Variants in PLEKHS1 observed in about 807,000 individuals in gnomAD.
The protein encoded by PLEKHS1 is pleckstrin homology domain-containing family S member 1.
PLEKHS1 carries 55 observed loss-of-function variants against 51.0 expected under a neutral mutation model. That is an observed-to-expected ratio of 1.08 (90% confidence interval 0.87 to 1.35). PLEKHS1 has a LOEUF of 1.35. Ranked by LOEUF, PLEKHS1 falls within the 40% of genes most tolerant of loss-of-function variation. PLEKHS1 has a pLI of 0.00. For missense variants in PLEKHS1, 398 were observed against 423.0 expected (o/e 0.94, Z 0.52); for synonymous variants, 153 against 144.8 (o/e 1.06, Z -0.41).
chr10:113,768,762 CA>C, intron 5 of PLEKHS1, 52 bp from the exon 6 acceptor site: 2 of 1,399,332 alleles, frequency 1.4e-6, no homozygotes, highest in Non-Finnish European at 2.0e-6. Flanking sequence ...TTCTCTGGTT[CA>C]AAAGGCACTA....
At chr10:113,775,152 G>C in intron 10 of PLEKHS1, 117 bp downstream of exon 10, 1 of 947,152 alleles carries the variant, frequency 1.1e-6, no homozygotes, top group Non-Finnish European at 1.5e-6. Context: ...CTCCAAGTCA[G>C]CCAAAAACTT....
chr10:113,778,493 T>G (rs780232432), intron 11 of PLEKHS1, among the ~76,000 whole-genome samples: 3 of 152,212 alleles, frequency 2.0e-5, no homozygotes, highest in Non-Finnish European at 2.9e-5. Flanking sequence ...TTATCTCTTC[T>G]GCACTACGTA....
At chr10:113,761,160 C>CAA (rs1294461680) in intron 2 of PLEKHS1, among the ~76,000 whole-genome samples, 6 of 152,122 alleles carry the variant, frequency 3.9e-5, no homozygotes, top group Non-Finnish European at 8.8e-5. Context: ...TGTCCTTATA[C>CAA]CAAAACGACA....
intron 2 of PLEKHS1, 103 bp downstream of exon 2, chr10:113,755,408 A>G (rs1854064567): frequency 2.7e-6 from 4 of 1,495,898 alleles, no homozygotes; most frequent in African/African-American, 2.8e-5. Flanking sequence ...GTTTTTGTGT[A>G]TGTTGTTTTG....
chr10:113,771,674 C>CAAAAAA (rs11383972), intron 7 of PLEKHS1, among the ~76,000 whole-genome samples: 2 of 74,600 alleles, frequency 2.7e-5, no homozygotes, highest in African/African-American at 1.1e-4. Context: ...GACTCTGTCT[C>CAAAAAA]AAAAAAAAAA....
At chr10:113,765,586 G>T (rs552790235) in intron 2 of PLEKHS1, among the ~76,000 whole-genome samples, 2 of 152,326 alleles carry the variant, frequency 1.3e-5, no homozygotes, top group Admixed American at 1.3e-4. Context: ...ATTAAATAAA[G>T]AAGTTTCTAA....
rs2419876 is a variant in PLEKHS1 at position 113,774,725 on chromosome 10, A to T, written c.780-101A>T. 4.9e-3 allele frequency: 4,865 copies of T among 1,002,462 alleles called. 148 individuals are homozygous for T. The African/African-American group carries it at 0.068, about 14-fold the overall frequency. 62.1% of individuals were successfully genotyped at this position (1,002,462 alleles called of 1,614,324 possible). A position where few individuals can be genotyped will look rare whatever the true frequency, so the allele number is the denominator to read the frequency against. ...GTTGGACATACGTCAAGACCTTGCT[A>T]GTCTTCACATGGCTGTTAGCTACTT... is the stretch of plus-strand genomic sequence containing the variant. On this transcript the variant is annotated intron_variant, in intron 9 of 11. Transcript: ENST00000361048.
At chr10:113,774,104 C>T in intron 8 of PLEKHS1, 123 bp from the exon 9 acceptor site, 1 of 601,326 alleles carries the variant, frequency 1.7e-6, no homozygotes, top group Non-Finnish European at 2.9e-6. Context: ...CAAATGAGAA[C>T]CACGTTCATC....
exon 12 of PLEKHS1, chr10:113,781,239 CCTTCCCAACACCTCCTTCCCAACA>C: frequency 9.6e-6 from 1 of 104,232 alleles, no homozygotes; most frequent in Non-Finnish European, 2.2e-5. Context: ...TCCCCAACAT[CCTTCCCAACACCTCCTTCCCAACA>C]CCTCCTTCCC....
At chr10:113,765,887 A>T (rs1452026044) in intron 2 of PLEKHS1, among the ~76,000 whole-genome samples, 1 of 152,224 alleles carries the variant, frequency 6.6e-6, no homozygotes, top group African/African-American at 2.4e-5. Flanking sequence ...CAGACTTAAG[A>T]TTTGGTAATA....
At chr10:113,780,652 T>C (rs11196483) in exon 12 of PLEKHS1, 633,571 of 1,613,176 alleles carry the variant, frequency 0.39, 126,610 homozygotes, top group South Asian at 0.5. Flanking sequence ...CATTCCATGC[T>C]GCATCCTGTA....
At chr10:113,778,713 G>C (rs1309390688) in intron 11 of PLEKHS1, among the ~76,000 whole-genome samples, 1 of 141,932 alleles carries the variant, frequency 7.0e-6, no homozygotes, top group African/African-American at 2.5e-5. Flanking sequence ...GCGCAAACTC[G>C]GCTCACTGCA....
chr10:113,780,098 T>C (rs1265076935), intron 11 of PLEKHS1, among the ~76,000 whole-genome samples: 4 of 150,752 alleles, frequency 2.7e-5, no homozygotes, highest in Admixed American at 6.6e-5. Flanking sequence ...CTTCCTGTTA[T>C]GCTACAGATG....
intron 9 of PLEKHS1, 30 bp from the exon 10 acceptor site, chr10:113,774,796 T>C: frequency 6.3e-7 from 1 of 1,585,262 alleles, no homozygotes; most frequent in Non-Finnish European, 8.7e-7. Flanking sequence ...CATGCTAAAA[T>C]AGGGCTTGTT....
intron 1 of PLEKHS1, 34 bp downstream of exon 1, chr10:113,751,795 C>G (rs554348846): frequency 6.6e-6 from 1 of 152,240 alleles, no homozygotes; most frequent in South Asian, 2.1e-4. Flanking sequence ...GTTTGGACTT[C>G]CAAGGCTGGG....
Position 113,767,327 on chromosome 10 carries a change from T to A in PLEKHS1, c.225-18T>A. The A allele has an allele frequency of 6.4e-7, 1 of 1,561,270 alleles. No individual in the cohort carries two copies. Among genetic ancestry groups the A allele is most frequent in the Non-Finnish European group, 8.7e-7 (1 of 1,151,360 alleles). ...CTGTATTTACCTTGGTTTAATACTTTGTGTCTATATCTAATAGAAATTCCA... is the reference window on the plus strand; with the variant it reads ...CTGTATTTACCTTGGTTTAATACTTAGTGTCTATATCTAATAGAAATTCCA... On this transcript the variant is annotated intron_variant, in intron 4 of 11. Transcript: ENST00000361048.
chr10:113,767,969 C>T (rs1844237720), intron 5 of PLEKHS1, among the ~76,000 whole-genome samples: 1 of 152,184 alleles, frequency 6.6e-6, no homozygotes, highest in Non-Finnish European at 1.5e-5. Flanking sequence ...ATGACCTCAT[C>T]TTGACCAATT....
At chr10:113,763,364 G>A (rs1266028765) in intron 2 of PLEKHS1, among the ~76,000 whole-genome samples, 1 of 152,126 alleles carries the variant, frequency 6.6e-6, no homozygotes, top group East Asian at 1.9e-4. Context: ...GCAGCATAGA[G>A]TTGAGTCTTG....
intron 11 of PLEKHS1, chr10:113,778,057 A>G (rs1395241677): frequency 4.8e-6 from 1 of 207,344 alleles, no homozygotes; most frequent in Non-Finnish European, 1.0e-5. Context: ...TGTTTTTTCA[A>G]GGACTAGCTA....
Sources: gnomAD v4.1 joint callset for allele counts (sites outside exome capture counted in the v4.1 genomes callset) on GRCh38, gnomAD v4.1.1 for gene constraint, MANE v1.5 for transcripts, NCBI Gene and HGNC (gene_info 2026-07-23, HGNC 2026-07-21) for gene names.